SLC4A10: variants seen among roughly 807,000 people sequenced by gnomAD.
The protein encoded by SLC4A10 is solute carrier family 4 member 10.
SLC4A10 carries 42 observed loss-of-function variants against 137.7 expected under a neutral mutation model. That is an observed-to-expected ratio of 0.30 (90% CI 0.24 to 0.39). SLC4A10 has a LOEUF of 0.39. Ranked by LOEUF, SLC4A10 falls within the 10% of genes least tolerant of loss-of-function variation. The pLI, the probability that SLC4A10 is intolerant of heterozygous loss-of-function variation, is 1.00. For synonymous variants in SLC4A10, 474 were observed against 464.1 expected, an observed-to-expected ratio of 1.02 and a Z score of -0.27; for missense variants, 925 against 1,355.0, an observed-to-expected ratio of 0.68 and a Z score of 4.98.
chr2:161,745,594 AC>A (rs913674842), intron 1 of SLC4A10, among the ~76,000 whole-genome samples: 2 of 151,964 alleles, frequency 1.3e-5, no homozygotes, highest in Admixed American at 1.3e-4. Context: ...TGGTAAGGTC[AC>A]ATTTTCTGGA....
At chr2:161,970,276 A>G (rs921937599) in intron 23 of SLC4A10, among the ~76,000 whole-genome samples, 4 of 152,214 alleles carry the variant, frequency 2.6e-5, no homozygotes, top group Admixed American at 2.0e-4. Flanking sequence ...TATGAACTCT[A>G]TATAGACTCT....
intron 1 of SLC4A10, among the ~76,000 whole-genome samples, chr2:161,766,415 C>T (rs1303981598): frequency 3.9e-5 from 6 of 152,030 alleles, no homozygotes; most frequent in East Asian, 1.9e-4. Flanking sequence ...AAAAATTAAA[C>T]GTTTCACTGC....
chr2:161,640,085 G>A (rs1489501540), intron 1 of SLC4A10, among the ~76,000 whole-genome samples: 2 of 152,068 alleles, frequency 1.3e-5, no homozygotes, highest in East Asian at 3.9e-4. Context: ...CTGTGGAGAA[G>A]AACTGTTACT....
chr2:161,879,618 A>C (rs942683665), intron 9 of SLC4A10, among the ~76,000 whole-genome samples: 1 of 144,736 alleles, frequency 6.9e-6, no homozygotes, highest in Admixed American at 7.2e-5. Context: ...CAAAGATTGC[A>C]TTAAATTGTC....
chr2:161,751,152 G>C (rs182811365), intron 1 of SLC4A10, among the ~76,000 whole-genome samples: 2 of 151,696 alleles, frequency 1.3e-5, no homozygotes, highest in Admixed American at 1.3e-4. Context: ...GTTGGATCTT[G>C]CTTATTTTTT....
At chr2:161,808,102 A>T (rs1310941572) in intron 3 of SLC4A10, among the ~76,000 whole-genome samples, 1 of 152,092 alleles carries the variant, frequency 6.6e-6, no homozygotes. Context: ...AGACACACAT[A>T]TATGCCTTTT....
chr2:161,831,996 A>G (rs1213328553), intron 3 of SLC4A10, among the ~76,000 whole-genome samples: 1 of 152,142 alleles, frequency 6.6e-6, no homozygotes, highest in Non-Finnish European at 1.5e-5. Flanking sequence ...TGAACACACT[A>G]GGAAGATATA....
intron 3 of SLC4A10, among the ~76,000 whole-genome samples, chr2:161,834,200 G>T (rs1344998871): frequency 6.6e-6 from 1 of 152,060 alleles, no homozygotes; most frequent in Admixed American, 6.6e-5. Flanking sequence ...GCTTCATTTG[G>T]TCCTACATTG....
intron 2 of SLC4A10, among the ~76,000 whole-genome samples, chr2:161,775,872 A>G (rs2052261036): frequency 1.3e-5 from 2 of 151,848 alleles, no homozygotes; most frequent in Admixed American, 6.6e-5. Context: ...AAATAATATG[A>G]TCTATTAACT....
At chr2:161,647,512 G>C (rs1438609476) in intron 1 of SLC4A10, among the ~76,000 whole-genome samples, 1 of 151,820 alleles carries the variant, frequency 6.6e-6, no homozygotes, top group Admixed American at 6.6e-5. Context: ...ATATATTAAA[G>C]TATTATAGAT....
chr2:161,920,766 G>A (rs570382592), intron 15 of SLC4A10, among the ~76,000 whole-genome samples: 1 of 152,260 alleles, frequency 6.6e-6, no homozygotes, highest in South Asian at 2.1e-4. Context: ...GGAGTAAAAT[G>A]GGCAAAATGT....
intron 1 of SLC4A10, among the ~76,000 whole-genome samples, chr2:161,652,435 A>G (rs2036932794): frequency 6.6e-6 from 1 of 152,208 alleles, no homozygotes; most frequent in East Asian, 1.9e-4. Context: ...ATACACACAC[A>G]CACACATATG....
chr2:161,948,103 A>G (rs1238190312), intron 17 of SLC4A10, among the ~76,000 whole-genome samples: 2 of 152,118 alleles, frequency 1.3e-5, no homozygotes, highest in African/African-American at 4.8e-5. Flanking sequence ...GGCAAGACTC[A>G]TTGGAACAAT....
chr2:161,784,100 A>T (rs1179499340), intron 2 of SLC4A10, among the ~76,000 whole-genome samples: 1 of 151,856 alleles, frequency 6.6e-6, no homozygotes, highest in African/African-American at 2.4e-5. Context: ...CTTATATCAG[A>T]TAAAATAGAC....
At chr2:161,726,107 A>G (rs2046193672) in intron 1 of SLC4A10, among the ~76,000 whole-genome samples, 1 of 152,190 alleles carries the variant, frequency 6.6e-6, no homozygotes, top group Non-Finnish European at 1.5e-5. Flanking sequence ...TTATAGATTT[A>G]AGAATATTTA....
intron 1 of SLC4A10, among the ~76,000 whole-genome samples, chr2:161,648,505 A>G (rs2036367392): frequency 6.6e-6 from 1 of 152,248 alleles, no homozygotes; most frequent in Admixed American, 6.5e-5. Context: ...AAATAGGACC[A>G]AATGTTCTTT....
intron 3 of SLC4A10, among the ~76,000 whole-genome samples, chr2:161,815,365 C>A (rs1403457786): frequency 6.6e-6 from 1 of 152,118 alleles, no homozygotes; most frequent in African/African-American, 2.4e-5. Flanking sequence ...GTGTTCCCAG[C>A]TCTTTGCTCG....
chr2:161,633,244 G>A (rs181847883), intron 1 of SLC4A10, among the ~76,000 whole-genome samples: 93 of 151,784 alleles, frequency 6.1e-4, no homozygotes, highest in African/African-American at 1.9e-3. Context: ...ATCCATATGT[G>A]AATTATTTTA....
chr2:161,730,997 G>T (rs1318002931), intron 1 of SLC4A10, among the ~76,000 whole-genome samples: 1 of 152,142 alleles, frequency 6.6e-6, no homozygotes, highest in Non-Finnish European at 1.5e-5. Flanking sequence ...TCATGAAGAT[G>T]TACATTTCTA....
Sources: allele counts gnomAD v4.1 joint callset (sites outside exome capture counted in the v4.1 genomes callset), GRCh38; gene constraint gnomAD v4.1.1; transcripts MANE v1.5; gene names NCBI Gene and HGNC (gene_info 2026-07-23, HGNC 2026-07-21).